SLC24A2: variants seen among roughly 807,000 people sequenced by gnomAD.
SLC24A2 encodes sodium/potassium/calcium exchanger 2.
In SLC24A2, 36 loss-of-function variants were observed where a neutral mutation model predicts 62.0. That is an observed-to-expected ratio of 0.58 (90% CI 0.44 to 0.77). SLC24A2 has a LOEUF of 0.77. Among genes scored for constraint, SLC24A2 ranks in the 30% least tolerant of loss-of-function variants. The probability of loss-of-function intolerance (pLI) is 0.00; values close to 1 mark genes in which losing one functional copy is unlikely to be tolerated. For missense variants in SLC24A2, 846 were observed against 817.9 expected, an observed-to-expected ratio of 1.03 and a Z score of -0.42; for synonymous variants, 358 against 294.0, an observed-to-expected ratio of 1.22 and a Z score of -2.23.
the SLC24A2 span, among the ~76,000 whole-genome samples, chr9:19,872,195 T>C: frequency 6.6e-6 from 1 of 152,154 alleles, no homozygotes; most frequent in Non-Finnish European, 1.5e-5. Context: ...ATGGGAAATA[T>C]AGGAACATGC....
chr9:19,941,590 T>TGTGTGTGTGAGA, the SLC24A2 span, among the ~76,000 whole-genome samples: 26,787 of 127,396 alleles, frequency 0.21, 3,188 homozygotes, highest in Non-Finnish European at 0.27. Context: ...TGTGTGTGTG[T>TGTGTGTGTGAGA]GAGAGAGAGA....
chr9:20,225,194 T>C, the SLC24A2 span, among the ~76,000 whole-genome samples: 3 of 152,076 alleles, frequency 2.0e-5, no homozygotes, highest in South Asian at 2.1e-4. Flanking sequence ...TGTATGTATA[T>C]TGAGTTATAA....
At chr9:19,550,469 T>G (rs4977556) in intron 7 of SLC24A2, among the ~76,000 whole-genome samples, 1 of 152,098 alleles carries the variant, frequency 6.6e-6, no homozygotes, top group Non-Finnish European at 1.5e-5. Flanking sequence ...GCCATGAGCA[T>G]GTAAGAATTT....
chr9:19,647,120 T>G (rs961144927), intron 2 of SLC24A2, among the ~76,000 whole-genome samples: 1 of 147,626 alleles, frequency 6.8e-6, no homozygotes, highest in African/African-American at 2.5e-5. Context: ...AGAGTCTCCC[T>G]GTACTGTAGG....
the SLC24A2 span, among the ~76,000 whole-genome samples, chr9:20,033,279 C>G: frequency 6.6e-6 from 1 of 152,192 alleles, no homozygotes; most frequent in South Asian, 2.1e-4. Flanking sequence ...ATTCAAGCTT[C>G]TCCACTTAAT....
intron 5 of SLC24A2, among the ~76,000 whole-genome samples, chr9:19,595,596 G>A (rs1836683507): frequency 6.6e-6 from 1 of 152,182 alleles, no homozygotes; most frequent in South Asian, 2.1e-4. Flanking sequence ...TCAAGTGATA[G>A]AATCAGATTG....
chr9:19,560,220 G>A (rs751181489), intron 7 of SLC24A2, among the ~76,000 whole-genome samples: 17 of 152,084 alleles, frequency 1.1e-4, no homozygotes, highest in African/African-American at 1.9e-4. Flanking sequence ...AGAAACCAGA[G>A]AGCTGTATTC....
the SLC24A2 span, among the ~76,000 whole-genome samples, chr9:20,019,080 A>AGG: frequency 1.5e-4 from 17 of 111,270 alleles, no homozygotes; most frequent in African/African-American, 5.8e-4. Flanking sequence ...AAACAGAGAA[A>AGG]GAGAGAAAGA....
At chr9:20,253,563 G>T in the SLC24A2 span, among the ~76,000 whole-genome samples, 571 of 152,256 alleles carry the variant, frequency 3.8e-3, 1 homozygote, top group African/African-American at 0.011. Context: ...ATCATCTTGA[G>T]ATTTTTATAA....
At chr9:19,556,075 A>C (rs1420988859) in intron 7 of SLC24A2, among the ~76,000 whole-genome samples, 2 of 152,232 alleles carry the variant, frequency 1.3e-5, no homozygotes, top group Non-Finnish European at 2.9e-5. Context: ...CAGAACTCTT[A>C]CACAGCACAG....
chr9:20,151,426 T>C, the SLC24A2 span, among the ~76,000 whole-genome samples: 1 of 151,828 alleles, frequency 6.6e-6, no homozygotes, highest in Non-Finnish European at 1.5e-5. Context: ...TCTGTTCAGG[T>C]ATTTAGTGCA....
intron 8 of SLC24A2, among the ~76,000 whole-genome samples, chr9:19,541,560 C>T (rs375146826): frequency 2.7e-5 from 4 of 147,226 alleles, no homozygotes; most frequent in South Asian, 4.4e-4. Flanking sequence ...GCAGTCTGCC[C>T]GTTCTCAGAT....
chr9:20,091,137 G>GA, the SLC24A2 span, among the ~76,000 whole-genome samples: 123 of 135,072 alleles, frequency 9.1e-4, 1 homozygote, highest in African/African-American at 2.5e-3. Flanking sequence ...TGAAATGACA[G>GA]AAAAAAAAAG....
the SLC24A2 span, among the ~76,000 whole-genome samples, chr9:19,920,806 G>A: frequency 2.0e-5 from 3 of 152,130 alleles, no homozygotes; most frequent in Non-Finnish European, 2.9e-5. Context: ...CCTACATGAC[G>A]TGTATCGATC....
the SLC24A2 span, among the ~76,000 whole-genome samples, chr9:20,044,428 T>A: frequency 6.6e-6 from 1 of 152,086 alleles, no homozygotes; most frequent in Admixed American, 6.5e-5. Flanking sequence ...CGAACCACCA[T>A]GAACGCATGG....
Position 19,786,956 on chromosome 9 carries a change from T to C in SLC24A2, c.-90A>G. 2 of 1,541,398 alleles carry C rather than the reference T, an allele frequency of 1.3e-6. No homozygotes were observed. The highest frequency in any genetic ancestry group is 1.9e-5 in the Admixed American group (1 of 52,332). ...CTTTTCCTTACTTTATAGTTAACGA[T>C]GCTTGTGGGGTACTTTCACAATCAG... On this transcript the variant is annotated 5_prime_UTR_variant, in exon 2 of 11. Coordinates refer to ENST00000341998, the MANE Select transcript of SLC24A2 (RefSeq NM_020344.4). This position sits in a 1 kb window ranked among gnomAD's most constrained non-coding sequence, Gnocchi z 5.0.
At chr9:20,002,527 C>T in the SLC24A2 span, among the ~76,000 whole-genome samples, 1 of 152,052 alleles carries the variant, frequency 6.6e-6, no homozygotes, top group East Asian at 1.9e-4. Context: ...CCTTATTAGA[C>T]CCATTTTGTA....
intron 2 of SLC24A2, among the ~76,000 whole-genome samples, chr9:19,724,358 A>C (rs1821111421): frequency 6.6e-6 from 1 of 152,218 alleles, no homozygotes; most frequent in African/African-American, 2.4e-5. Flanking sequence ...TTTTCCAAAC[A>C]TGACACAATA....
the SLC24A2 span, among the ~76,000 whole-genome samples, chr9:20,229,768 A>G: frequency 1.3e-5 from 2 of 151,474 alleles, no homozygotes; most frequent in African/African-American, 4.9e-5. Context: ...GTTTTAGGGT[A>G]CCTGTGCACA....
Sources: gnomAD v4.1 joint callset for allele counts (sites outside exome capture counted in the v4.1 genomes callset) on GRCh38, gnomAD v4.1.1 for gene constraint, Gnocchi (gnomAD v3.1) non-coding constraint, MANE v1.5 for transcripts, NCBI Gene and HGNC (gene_info 2026-07-23, HGNC 2026-07-21) for gene names.